The following HACD1 variants were observed in gnomAD, a reference collection of about 807,000 sequenced individuals.
The protein encoded by HACD1 is 3-hydroxyacyl-CoA dehydratase 1, also known as very-long-chain (3R)-3-hydroxyacyl-CoA dehydratase 1.
A neutral mutation model predicts 32.0 loss-of-function variants in HACD1; 41 were observed. The observed-to-expected ratio is 1.28, with a 90% CI of 1.00 to 1.66. HACD1 has a LOEUF of 1.66. Among genes scored for constraint, HACD1 ranks in the 40% most tolerant of loss-of-function variants. HACD1 has a pLI of 0.00. For synonymous variants in HACD1, 142 were observed against 139.0 expected, an observed-to-expected ratio of 1.02 and a Z score of -0.15; for missense variants, 396 against 380.1, an observed-to-expected ratio of 1.04 and a Z score of -0.35.
chr10:17,605,924 A>T (rs1411884966), intron 1 of HACD1, among the ~76,000 whole-genome samples: 1 of 152,136 alleles, frequency 6.6e-6, no homozygotes, highest in Non-Finnish European at 1.5e-5. Context: ...ACTGCACTCC[A>T]GCCTGGGTGA....
chr10:17,596,484 ATT>A (rs61351331), intron 5 of HACD1, among the ~76,000 whole-genome samples: 30 of 145,208 alleles, frequency 2.1e-4, no homozygotes, highest in African/African-American at 2.8e-4. Context: ...TTTTCAAAAG[ATT>A]TTTTTTTTTT....
chr10:17,611,986 A>C (rs1832990090), intron 1 of HACD1, among the ~76,000 whole-genome samples: 1 of 151,402 alleles, frequency 6.6e-6, no homozygotes, highest in South Asian at 2.1e-4. Context: ...AAAAATCCTT[A>C]CATCTGCCAG....
rs561393216 is a variant in HACD1, at chr10:17,593,319, G to A, written c.784+886C>T. Reference sequence around the variant, plus strand: ...AAAATATATCACTATTAGCCCCCACGCCTTTTTTTTTTTGAGACAGAGTCT... The same window carrying A: ...AAAATATATCACTATTAGCCCCCACACCTTTTTTTTTTTGAGACAGAGTCT... On this transcript the variant is annotated intron_variant, in intron 6 of 6. Coordinates refer to ENST00000361271, the MANE Select transcript of HACD1 (RefSeq NM_014241.4). 1.5e-4 allele frequency among the ~76,000 whole-genome samples: 15 copies of A among 97,348 alleles called. No individual in the cohort carries two copies. The East Asian group carries it at 4.0e-3, about 26-fold the overall frequency. The allele number at this position is 97,348 out of a possible 152,430, so 63.9% of individuals were successfully genotyped here.
chr10:17,599,507 T>C (rs1834040387), intron 4 of HACD1, 96 bp from the exon 5 acceptor site: 1 of 1,458,258 alleles, frequency 6.9e-7, no homozygotes, highest in Non-Finnish European at 9.0e-7. Context: ...TTATTTATAA[T>C]GGAATGTTAG....
Position 17,617,256 on chromosome 10 carries a change from C to A in HACD1, c.84G>T (p.Pro28=), listed in dbSNP as rs1169648508. 6.8e-7 allele frequency: 1 copy of A among 1,475,202 alleles called. No individual in the cohort carries two copies. Among genetic ancestry groups the A allele is most frequent in the Non-Finnish European group, 8.9e-7 (1 of 1,118,898 alleles). The allele number at this position is 1,475,202 out of a possible 1,614,324, so 91.4% of individuals were successfully genotyped here. Residue 28 remains proline, a synonymous_variant, in exon 1 of 7, where the codon CCG becomes CCT. Coordinates refer to ENST00000361271, the MANE Select transcript of HACD1 (RefSeq NM_014241.4). ...CGCACCTGGGGGACGTGGGAGACAG[C>A]GGCAGGAGCGTGGGAGGGGACCCTG... ...GWAGSPPTLL[P]LSPTSPRCAA... is the part of the protein sequence containing the mutation.
chr10:17,601,067 T>C (rs1834063480), intron 4 of HACD1, among the ~76,000 whole-genome samples: 2 of 150,998 alleles, frequency 1.3e-5, no homozygotes, highest in South Asian at 2.1e-4. Flanking sequence ...AGAATCTCGC[T>C]CTGTCACCCA....
intron 4 of HACD1, among the ~76,000 whole-genome samples, chr10:17,599,838 C>T (rs1554816338): frequency 6.6e-6 from 1 of 152,198 alleles, no homozygotes; most frequent in Non-Finnish European, 1.5e-5. Flanking sequence ...ATCTTGACTA[C>T]TGTAACTGTT....
chr10:17,602,177 C>T (rs1554816591), intron 4 of HACD1, among the ~76,000 whole-genome samples: 1 of 151,534 alleles, frequency 6.6e-6, no homozygotes, highest in East Asian at 1.9e-4. Context: ...TCAAGCAATT[C>T]TCCTGCCTCA....
chr10:17,607,291 C>G (rs1429061155), intron 1 of HACD1, among the ~76,000 whole-genome samples: 1 of 152,076 alleles, frequency 6.6e-6, no homozygotes, highest in African/African-American at 2.4e-5. Context: ...CCTTTCCACT[C>G]TACCCCAGCT....
chr10:17,617,086 G>T lies in HACD1; in HGVS notation c.254C>A (p.Ala85Glu). ...GGGTGCCCCGCGGCGCGCGTACCCC[G>T]CGGTCATGGCGATGTCGTAGAAGGT... ...WLTFYDIAMT[A>E]GWLVLAIAMV... is the part of the protein sequence containing the mutation. Residue 85 changes from alanine to glutamate, a missense_variant, in exon 1 of 7, where the codon GCG becomes GAG. Ala to Glu is a moderately radical substitution (Grantham distance 107, BLOSUM62 -1). Transcript: ENST00000361271. The T allele has an allele frequency of 6.7e-7, 1 of 1,485,228 alleles. No homozygotes were observed. Among genetic ancestry groups the T allele is most frequent in the African/African-American group, 1.5e-5 (1 of 68,394 alleles). The allele number at this position is 1,485,228 out of a possible 1,614,324, so 92.0% of individuals were successfully genotyped here.
chr10:17,608,755 G>A (rs1041187810), intron 1 of HACD1, among the ~76,000 whole-genome samples: 3 of 152,088 alleles, frequency 2.0e-5, no homozygotes, highest in Non-Finnish European at 4.4e-5. Flanking sequence ...CCAAAGTACT[G>A]GGGTTACAGA....
intron 4 of HACD1, among the ~76,000 whole-genome samples, chr10:17,599,888 G>A (rs573186760): frequency 2.0e-5 from 3 of 152,254 alleles, no homozygotes; most frequent in African/African-American, 7.2e-5. Context: ...CCTCATGAAT[G>A]CAAGTTGTCT....
chr10:17,605,662 CAAAAG>C (rs1834136181), intron 1 of HACD1, among the ~76,000 whole-genome samples: 2 of 145,396 alleles, frequency 1.4e-5, no homozygotes, highest in South Asian at 2.2e-4. Context: ...AAAAAAAAAA[CAAAAG>C]AAGAGGCCAG....
rs1007242938 is a variant in HACD1, at chr10:17,589,154, C to G, written c.*1210G>C. ...ATCATACCCCAAAATGTTTAGTTACCTAAGTACCACAAAGGGATTATCATA... is the reference window on the plus strand; with the variant it reads ...ATCATACCCCAAAATGTTTAGTTACGTAAGTACCACAAAGGGATTATCATA... On this transcript the variant is annotated 3_prime_UTR_variant, in exon 7 of 7. Transcript: ENST00000361271. The G allele has an allele frequency of 7.9e-5, 12 of 152,186 alleles. No homozygotes were observed. The South Asian group carries it at 2.5e-3, about 32-fold the overall frequency. The allele number at this position is 152,186 out of a possible 1,614,324, so 9.4% of individuals were successfully genotyped here.
rs568406194 is a variant in HACD1, at chr10:17,610,063, C to T, written c.258-6016G>A. On this transcript the variant is annotated intron_variant, in intron 1 of 6. Transcript: ENST00000361271. ...CAGCCCCTCCACTCCTAGGTATTTA[C>T]CCAAGCAAAACAAAAGCATATGTTC... Among the ~76,000 whole-genome samples the T allele has an allele frequency of 1.8e-4, 27 of 151,620 alleles. 1 individual carries two copies. The South Asian group carries it at 5.4e-3, about 30-fold the overall frequency.
chr10:17,606,073 G>A (rs185825858), intron 1 of HACD1, among the ~76,000 whole-genome samples: 1 of 152,176 alleles, frequency 6.6e-6, no homozygotes, highest in Admixed American at 6.5e-5. Flanking sequence ...TACTTGGAAG[G>A]CTGAGGTGGG....
At chr10:17,590,968 C>A (rs1833921349) in intron 6 of HACD1, among the ~76,000 whole-genome samples, 1 of 152,162 alleles carries the variant, frequency 6.6e-6, no homozygotes, top group African/African-American at 2.4e-5. Context: ...AACCACTGCG[C>A]CCGGCCTATT....
rs1554815395 is a variant in HACD1, at chr10:17,589,618, G to GC, written c.*745_*746insG. 2 of 148,768 alleles carry GC rather than the reference G, an allele frequency of 1.3e-5. No individual in the cohort carries two copies. Among genetic ancestry groups the GC allele is most frequent in the African/African-American group, 2.5e-5 (1 of 40,524 alleles). 9.2% of individuals were successfully genotyped at this position (148,768 alleles called of 1,614,324 possible). On this transcript the variant is annotated 3_prime_UTR_variant, in exon 7 of 7. Coordinates refer to ENST00000361271, the MANE Select transcript of HACD1 (RefSeq NM_014241.4). The stretch of plus-strand genomic sequence containing the variant: ...ATACAACATTATAGTCAGATGTCAT[G>GC]TTTTTTTTTTAATAGTGGGGCAAAT...
At chr10:17,597,317 T>C (rs1009448617) in intron 5 of HACD1, among the ~76,000 whole-genome samples, 1 of 152,158 alleles carries the variant, frequency 6.6e-6, no homozygotes, top group Non-Finnish European at 1.5e-5. Flanking sequence ...TTTAATTTTT[T>C]AGTAGAGATG....
Sources: gnomAD v4.1 joint callset for allele counts (sites outside exome capture counted in the v4.1 genomes callset) on GRCh38, gnomAD v4.1.1 for gene constraint, MANE v1.5 for transcripts, NCBI Gene and HGNC (gene_info 2026-07-23, HGNC 2026-07-21) for gene names.